Variants in SLC11A2 observed in about 807,000 individuals in gnomAD.
SLC11A2 encodes the protein solute carrier family 11 member 2, also known as natural resistance-associated macrophage protein 2.
SLC11A2 carries 38 observed loss-of-function variants against 68.0 expected under a neutral mutation model. The observed-to-expected ratio is 0.56, with a 90% confidence interval of 0.43 to 0.73. SLC11A2 has a LOEUF of 0.73. Ranked by LOEUF, SLC11A2 falls within the 30% of genes least tolerant of loss-of-function variation. The probability of loss-of-function intolerance (pLI) is 0.00; values close to 1 mark genes in which losing one functional copy is unlikely to be tolerated. For synonymous variants in SLC11A2, 242 were observed against 250.6 expected (o/e 0.97, Z 0.32); for missense variants, 517 against 690.5 (o/e 0.75, Z 2.82).
rs558194325 is a variant in SLC11A2, at chr12:51,025,781, T to C, written c.-39+529A>G. 2.2e-5 allele frequency: 22 copies of C among 986,000 alleles called. No homozygotes were observed. In the South Asian group the frequency reaches 8.8e-4, roughly 40 times the overall value. 61.1% of individuals were successfully genotyped at this position (986,000 alleles called of 1,614,324 possible). A position where few individuals can be genotyped will look rare whatever the true frequency, so the allele number is the denominator to read the frequency against. ...TTAAAACCAATCTACCCACAATTAC[T>C]GAGCCGCGTATGCAGGCTATTCACA... On this transcript the variant is annotated intron_variant, in intron 1 of 15. Transcript: ENST00000262052.
intron 1 of SLC11A2, among the ~76,000 whole-genome samples, chr12:51,020,095 A>T (rs758760885): frequency 4.0e-5 from 6 of 151,746 alleles, no homozygotes; most frequent in South Asian, 2.1e-4. Flanking sequence ...TTACAGAACA[A>T]TTATTTACAT....
intron 1 of SLC11A2, among the ~76,000 whole-genome samples, chr12:51,012,655 G>A (rs541628055): frequency 1.3e-5 from 2 of 152,158 alleles, no homozygotes; most frequent in Non-Finnish European, 2.9e-5. Flanking sequence ...GACCAGAAAG[G>A]AGCTTTTCTT....
At chr12:50,952,404 C>T in the SLC11A2 span, among the ~76,000 whole-genome samples, 1 of 152,158 alleles carries the variant, frequency 6.6e-6, no homozygotes, top group Non-Finnish European at 1.5e-5. Context: ...AAGGGAAAAA[C>T]CATGAACGCT....
At chr12:50,979,971 A>C (rs769895099), downstream of SLC11A2, 1 of 453,980 alleles carries the variant, frequency 2.2e-6, no homozygotes, top group South Asian at 1.6e-5. Flanking sequence ...CACGCCTATA[A>C]TCTCAGCACT....
At chr12:50,954,044 T>C in the SLC11A2 span, 1 of 1,613,502 alleles carries the variant, frequency 6.2e-7, no homozygotes, top group Non-Finnish European at 8.5e-7. Flanking sequence ...TGAAGGCCAA[T>C]TATCCCGACT....
At chr12:51,026,054 C>T in intron 1 of SLC11A2, 2 of 1,096,982 alleles carry the variant, frequency 1.8e-6, no homozygotes, top group Non-Finnish European at 2.2e-6. Flanking sequence ...GGGGAAGGGG[C>T]GAGACCCCCG....
the SLC11A2 span, among the ~76,000 whole-genome samples, chr12:50,963,893 C>T: frequency 5.3e-5 from 8 of 152,142 alleles, no homozygotes; most frequent in African/African-American, 1.9e-4. Flanking sequence ...TCCATATATA[C>T]CTCTATTAAT....
chr12:51,001,162 C>G (rs1175517149), intron 5 of SLC11A2, among the ~76,000 whole-genome samples: 1 of 131,778 alleles, frequency 7.6e-6, no homozygotes, highest in African/African-American at 2.8e-5. Flanking sequence ...GAGACTCCAT[C>G]TCAAAAAAAA....
chr12:50,994,572 G>A lies in SLC11A2; in HGVS notation c.1049C>T (p.Ser350Leu), dbSNP rs376365060. 2.2e-5 allele frequency: 35 copies of A among 1,611,538 alleles called. No homozygotes were observed. Among genetic ancestry groups the A allele is most frequent in the Admixed American group, 3.3e-5 (2 of 60,010 alleles). Residue 350 changes from serine (S) to leucine (L), a missense_variant, in exon 11 of 16, where the codon TCG (serine) becomes TTG (leucine). Ser to Leu is a moderately radical substitution (Grantham distance 145). Coordinates refer to ENST00000262052, the MANE Select transcript of SLC11A2 (RefSeq NM_000617.3). ...PHAGLFPKDN[S>L]TLAVDIYKGG... The stretch of plus-strand genomic sequence containing the variant: ...TTTGTAGATGTCCACAGCCAGTGTC[G>A]AGTTATCTTTAGGAAAGAGGCCAGC...
At chr12:50,979,893 T>G (rs1024059544), downstream of SLC11A2, 3 of 453,972 alleles carry the variant, frequency 6.6e-6, no homozygotes, top group Non-Finnish European at 1.3e-5. Context: ...ACACAAAGGC[T>G]GCAGGATTTG....
intron 15 of SLC11A2, among the ~76,000 whole-genome samples, chr12:50,990,049 TACA>T (rs61519404): frequency 0.071 from 10,803 of 152,250 alleles, 732 homozygotes; most frequent in East Asian, 0.28. Flanking sequence ...CCTAGCTTCC[TACA>T]ACAACTATAT....
chr12:51,025,774 C>A lies in SLC11A2; in HGVS notation c.-39+536G>T, dbSNP rs1007899401. The stretch of plus-strand genomic sequence containing the variant: ...AACAGCCTTAAAACCAATCTACCCA[C>A]AATTACTGAGCCGCGTATGCAGGCT... On this transcript the variant is annotated intron_variant, in intron 1 of 15. Coordinates refer to ENST00000262052, the MANE Select transcript of SLC11A2 (RefSeq NM_000617.3). 13 of 985,862 alleles carry A rather than the reference C, an allele frequency of 1.3e-5. No homozygotes were observed. In the Admixed American group the frequency reaches 6.1e-4, roughly 47 times the overall value. 61.1% of individuals were successfully genotyped at this position (985,862 alleles called of 1,614,324 possible). A position where few individuals can be genotyped will look rare whatever the true frequency, so the allele number is the denominator to read the frequency against.
the SLC11A2 span, among the ~76,000 whole-genome samples, chr12:50,966,586 CT>C: frequency 6.6e-6 from 1 of 152,294 alleles, no homozygotes; most frequent in Admixed American, 6.5e-5. Context: ...AAAACTGCCC[CT>C]GGTTGAGAAC....
the SLC11A2 span, among the ~76,000 whole-genome samples, chr12:50,972,205 C>T: frequency 6.6e-6 from 1 of 152,182 alleles, no homozygotes; most frequent in African/African-American, 2.4e-5. Flanking sequence ...ATTCTACCTT[C>T]TCAATATGTA....
the SLC11A2 span, chr12:50,970,294 T>C: frequency 9.4e-6 from 6 of 637,762 alleles, no homozygotes; most frequent in Admixed American, 6.5e-5. Context: ...GTCACTTGTA[T>C]GATCCAAACC....
rs1486608990 is a variant in SLC11A2, at chr12:50,992,903, C to T, written c.1104G>A (p.Gly368=). The change falls in exon 12 of 16, where the codon GGG becomes GGA. Residue 368 remains glycine, a synonymous_variant. Coordinates refer to ENST00000262052, the MANE Select transcript of SLC11A2 (RefSeq NM_000617.3). ...CTGCCCAAATGTAGAGTGCAGCAGG[C>T]CCAAAGTAACATCCCAGCACAACAC... ...KGGVVLGCYF[G]PAALYIWAVG... The T allele has an allele frequency of 1.2e-6, 2 of 1,613,856 alleles. No individual in the cohort carries two copies. The highest frequency in any genetic ancestry group is 1.7e-6 in the Non-Finnish European group (2 of 1,179,982).
intron 1 of SLC11A2, chr12:51,025,778 TACTG>T (rs1944340434): frequency 1.0e-6 from 1 of 985,780 alleles, no homozygotes; most frequent in Admixed American, 6.1e-5. Flanking sequence ...TACCCACAAT[TACTG>T]AGCCGCGTAT....
chr12:51,018,998 T>C (rs1020307692), intron 1 of SLC11A2, among the ~76,000 whole-genome samples: 1 of 152,048 alleles, frequency 6.6e-6, no homozygotes, highest in East Asian at 1.9e-4. Context: ...AAAGACAACA[T>C]TAAATAGGAA....
the SLC11A2 span, among the ~76,000 whole-genome samples, chr12:50,962,189 C>T: frequency 3.3e-5 from 5 of 152,162 alleles, no homozygotes; most frequent in Middle Eastern, 0.01. Flanking sequence ...AGTTCGATAC[C>T]AGCCTGGCCA....
Sources: allele counts gnomAD v4.1 joint callset (sites outside exome capture counted in the v4.1 genomes callset), GRCh38; gene constraint gnomAD v4.1.1; transcripts MANE v1.5; gene names NCBI Gene and HGNC (gene_info 2026-07-23, HGNC 2026-07-21).